Variants in UBR4 observed in about 807,000 individuals in gnomAD.
The protein encoded by UBR4 is ubiquitin protein ligase E3 component n-recognin 4, also known as E3 ubiquitin-protein ligase UBR4.
UBR4 carries 124 observed loss-of-function variants against 575.6 expected under a neutral mutation model. The observed-to-expected ratio is 0.22, with a 90% CI of 0.19 to 0.25. The LOEUF (loss-of-function observed/expected upper bound fraction) is 0.25. Among genes scored for constraint, UBR4 ranks in the 10% least tolerant of loss-of-function variants. The pLI, the probability that UBR4 is intolerant of heterozygous loss-of-function variation, is 1.00. For synonymous variants in UBR4, 2,455 were observed against 2,473.7 expected, an observed-to-expected ratio of 0.99 and a Z score of 0.22; for missense variants, 4,818 against 6,478.8, an observed-to-expected ratio of 0.74 and a Z score of 8.80.
rs149772464 is a variant in UBR4 at position 19,195,243 on chromosome 1, C to T, written c.1019-1686G>A. Among the ~76,000 whole-genome samples, 112 of 144,758 alleles carry T rather than the reference C, an allele frequency of 7.7e-4. No individual in the cohort carries two copies. The East Asian group carries it at 0.018, about 24-fold the overall frequency. The allele number at this position is 144,758 out of a possible 152,430, so 95.0% of individuals were successfully genotyped here. On this transcript the variant is annotated intron_variant, in intron 8 of 105. Coordinates refer to ENST00000375254, the MANE Select transcript of UBR4 (RefSeq NM_020765.3). Reference sequence around the variant, plus strand: ...CTGTGCCACTGAACTCCAGCCTGGGCGACTGAGCGAGACTCCATCTCAAAA... The same window carrying T: ...CTGTGCCACTGAACTCCAGCCTGGGTGACTGAGCGAGACTCCATCTCAAAA...
At chr1:19,204,521 A>AAT (rs2092907858) in intron 1 of UBR4, among the ~76,000 whole-genome samples, 1 of 143,354 alleles carries the variant, frequency 7.0e-6, no homozygotes. Context: ...CTGATAATGA[A>AAT]ATATATAAAA....
Position 19,165,346 on chromosome 1 carries a change from T to C in UBR4, c.4215A>G (p.Gly1405=). 2 of 1,611,290 alleles carry C rather than the reference T, an allele frequency of 1.2e-6. No homozygotes were observed. The highest frequency in any genetic ancestry group is 1.7e-6 in the Non-Finnish European group (2 of 1,178,882). The change falls in exon 31 of 106, where the codon GGA becomes GGG. Residue 1405 remains glycine (G), a synonymous_variant. Transcript: ENST00000375254. ...KAMEEFFSDS[G]ELVQIMMATA... is the part of the protein sequence containing the mutation. ...TTGCCATCATGATCTGTACAAGTTC[T>C]CCACTGGGAGGCAAGATGGGAGAAA...
In UBR4 at chr1:19,176,506, A is replaced by C. The variant is rs2090280266; in HGVS notation, c.2773+86T>G. The C allele has an allele frequency of 7.9e-6, 12 of 1,513,870 alleles. 1 individual carries two copies. In the South Asian group the frequency reaches 1.5e-4, roughly 19 times the overall value. The allele number at this position is 1,513,870 out of a possible 1,614,324, so 93.8% of individuals were successfully genotyped here. A position where few individuals can be genotyped will look rare whatever the true frequency, so the allele number is the denominator to read the frequency against. On this transcript the variant is annotated intron_variant, in intron 20 of 105. Transcript: ENST00000375254. ...ATTACACTAAAGCAAATGACCAAAG[A>C]TCCTCCAAGAGTCCCCAAGCTTCAA...
chr1:19,129,610 G>C (rs1476898237), intron 60 of UBR4, among the ~76,000 whole-genome samples: 1 of 152,104 alleles, frequency 6.6e-6, no homozygotes, highest in African/African-American at 2.4e-5. Context: ...CTAATATAAT[G>C]TTCTGTTTCA....
chr1:19,086,337 GGGGGGCGGGGGTGGGGGT>G, intron 100 of UBR4, 67 bp from the exon 101 acceptor site: 2 of 799,114 alleles, frequency 2.5e-6, no homozygotes, highest in Non-Finnish European at 3.7e-6. Context: ...CACCTGGGCG[GGGGGGCGGGGGTGGGGGT>G]GGGGGCATGC....
chr1:19,140,807 G>A lies in UBR4; in HGVS notation c.8574C>T (p.Leu2858=). 1 of 1,613,334 alleles carries A rather than the reference G, an allele frequency of 6.2e-7. No individual in the cohort carries two copies. The highest frequency in any genetic ancestry group is 8.5e-7 in the Non-Finnish European group (1 of 1,179,942). Residue 2858 remains leucine (L), a synonymous_variant, in exon 58 of 106, where the codon CTC becomes CTT. Transcript: ENST00000375254. ...AGTTACCTGATGCTGTGGTGTCAGA[G>A]AGGGTTCCTGCGTCCAGAGAGGAAG... ...PSSSSLDAGT[L]SDTTASAPAS... is the part of the protein sequence containing the mutation.
intron 81 of UBR4, among the ~76,000 whole-genome samples, chr1:19,107,472 C>T (rs1413673081): frequency 6.6e-6 from 1 of 152,108 alleles, no homozygotes; most frequent in Non-Finnish European, 1.5e-5. Flanking sequence ...GTATCTATTG[C>T]CATTTCTCAT....
At chr1:19,205,512 C>T (rs1226795734) in intron 1 of UBR4, among the ~76,000 whole-genome samples, 2 of 152,148 alleles carry the variant, frequency 1.3e-5, no homozygotes, top group Non-Finnish European at 1.5e-5. Flanking sequence ...GACTAAAGAA[C>T]TGAAAACTGT....
chr1:19,088,657 C>T lies in UBR4; in HGVS notation c.14430+102G>A. On this transcript the variant is annotated intron_variant, in intron 98 of 105. Coordinates refer to ENST00000375254, the MANE Select transcript of UBR4 (RefSeq NM_020765.3). This position sits in a 1 kb window ranked among gnomAD's most constrained non-coding sequence, Gnocchi z 4.0. ...ACCTAGTTCCTTCCTCCTACTCTGT[C>T]CAGCCTTCTCTTTCCCCATGGCCAA... is the stretch of plus-strand genomic sequence containing the variant. 3 of 1,174,174 alleles carry T rather than the reference C, an allele frequency of 2.6e-6. No homozygotes were observed. Among genetic ancestry groups the T allele is most frequent in the African/African-American group, 1.5e-5 (1 of 66,216 alleles). 72.7% of individuals were successfully genotyped at this position (1,174,174 alleles called of 1,614,324 possible). A position where few individuals can be genotyped will look rare whatever the true frequency, so the allele number is the denominator to read the frequency against.
Position 19,183,253 on chromosome 1 carries a change from A to G in UBR4, c.2184+558T>C, listed in dbSNP as rs575769744. Among the ~76,000 whole-genome samples, 23 of 152,278 alleles carry G rather than the reference A, an allele frequency of 1.5e-4. No homozygotes were observed. In the South Asian group the frequency reaches 4.4e-3, roughly 29 times the overall value. On this transcript the variant is annotated intron_variant, in intron 17 of 105. Coordinates refer to ENST00000375254, the MANE Select transcript of UBR4 (RefSeq NM_020765.3). ...CCACTTTTCTGCTAGCATAATCATCAGGAGTTTCTGTTTGTTTTTGTGGGT... is the reference window on the plus strand; with the variant it reads ...CCACTTTTCTGCTAGCATAATCATCGGGAGTTTCTGTTTGTTTTTGTGGGT...
At chr1:19,132,412 C>A (rs1277871377) in intron 60 of UBR4, among the ~76,000 whole-genome samples, 2 of 151,550 alleles carry the variant, frequency 1.3e-5, no homozygotes, top group Non-Finnish European at 2.9e-5. Context: ...GAACTCCTGG[C>A]CTCAAGTGAT....
intron 60 of UBR4, among the ~76,000 whole-genome samples, chr1:19,132,690 C>A (rs1386936357): frequency 8.2e-6 from 1 of 121,578 alleles, no homozygotes; most frequent in African/African-American, 3.2e-5. Context: ...AGAAAAAAAC[C>A]AGAACCAAAA....
At chr1:19,076,037 ACTGTCTTTTAACCCTAG>A (rs2075904553) in intron 105 of UBR4, among the ~76,000 whole-genome samples, 1 of 152,196 alleles carries the variant, frequency 6.6e-6, no homozygotes, top group African/African-American at 2.4e-5. Context: ...CTCACAGGGC[ACTGTCTTTTAACCCTAG>A]GTGGATTTCC....
At chr1:19,109,223 G>A (rs2079567735) in intron 81 of UBR4, among the ~76,000 whole-genome samples, 1 of 152,220 alleles carries the variant, frequency 6.6e-6, no homozygotes, top group Non-Finnish European at 1.5e-5. Flanking sequence ...GCAAGTTGGT[G>A]GCAGAGCCTT....
intron 9 of UBR4, 53 bp from the exon 10 acceptor site, chr1:19,192,593 A>G (rs2092171560): frequency 6.3e-7 from 1 of 1,595,374 alleles, no homozygotes; most frequent in Non-Finnish European, 8.6e-7. Context: ...AGATTTCATC[A>G]TAAATGCTAA....
intron 39 of UBR4, 28 bp from the exon 40 acceptor site, chr1:19,158,025 G>A (rs1211496670): frequency 1.3e-6 from 2 of 1,597,886 alleles, no homozygotes; most frequent in Non-Finnish European, 8.6e-7. Flanking sequence ...AGAGAAAGTG[G>A]GCAGTAATGA....
At chr1:19,179,839 A>T (rs2090693994) in intron 17 of UBR4, among the ~76,000 whole-genome samples, 1 of 152,228 alleles carries the variant, frequency 6.6e-6, no homozygotes, top group Non-Finnish European at 1.5e-5. Flanking sequence ...TGCCAATGGA[A>T]AACCAGACAA....
intron 2 of UBR4, among the ~76,000 whole-genome samples, chr1:19,200,843 C>T (rs2092710312): frequency 6.6e-6 from 1 of 152,082 alleles, no homozygotes; most frequent in African/African-American, 2.4e-5. Context: ...AGTTTACTTG[C>T]TTAGCAAACT....
At chr1:19,104,326 A>G in intron 86 of UBR4, 69 bp from the exon 87 acceptor site, 7 of 1,566,768 alleles carry the variant, frequency 4.5e-6, no homozygotes, top group South Asian at 1.2e-5. Flanking sequence ...GTGTCTCAAA[A>G]GATTATGAGC....
Sources: gnomAD v4.1 joint callset for allele counts (sites outside exome capture counted in the v4.1 genomes callset) on GRCh38, gnomAD v4.1.1 for gene constraint, Gnocchi (gnomAD v3.1) non-coding constraint, MANE v1.5 for transcripts, NCBI Gene and HGNC (gene_info 2026-07-23, HGNC 2026-07-21) for gene names.